The following ETV6 variants were observed in gnomAD, a reference collection of about 807,000 sequenced individuals.
The protein encoded by ETV6 is ETS variant transcription factor 6.
A neutral mutation model predicts 51.1 loss-of-function variants in ETV6; 16 were observed. That is an observed-to-expected ratio of 0.31 (90% CI 0.21 to 0.48). The LOEUF is 0.48. ETV6 is among the 20% of genes least tolerant of loss of function. The probability of loss-of-function intolerance (pLI) is 0.99; values close to 1 mark genes in which losing one functional copy is unlikely to be tolerated. For synonymous variants in ETV6, 240 were observed against 224.1 expected (o/e 1.07, Z -0.64); for missense variants, 458 against 594.8 (o/e 0.77, Z 2.39).
In ETV6 at chr12:11,767,972, T is replaced by C. The variant is rs551193179; in HGVS notation, c.163+15393T>C. Among the ~76,000 whole-genome samples, 5 of 152,298 alleles carry C rather than the reference T, an allele frequency of 3.3e-5. No homozygotes were observed. In the East Asian group the frequency reaches 7.7e-4, roughly 24 times the overall value. ...TGAGTTTGCTCAAGAGAAGGTTCTC[T>C]TGGGGCTTTGGTTTACTTCCTCCCA... On this transcript the variant is annotated intron_variant, in intron 2 of 7. Transcript: ENST00000396373.
intron 1 of ETV6, among the ~76,000 whole-genome samples, chr12:11,671,798 C>T (rs565024069): frequency 1.5e-4 from 23 of 151,926 alleles, no homozygotes; most frequent in Non-Finnish European, 2.5e-4. Flanking sequence ...GACTTTTGAC[C>T]CAGCAGTTAG....
chr12:11,775,941 T>A (rs1366642630), intron 2 of ETV6, among the ~76,000 whole-genome samples: 1 of 152,224 alleles, frequency 6.6e-6, no homozygotes, highest in Non-Finnish European at 1.5e-5. Context: ...GTATTTTCAG[T>A]CTCACCAGCA....
intron 2 of ETV6, among the ~76,000 whole-genome samples, chr12:11,814,350 T>TA (rs879490394): frequency 5.3e-5 from 8 of 151,958 alleles, no homozygotes; most frequent in Non-Finnish European, 7.4e-5. Flanking sequence ...CAAAACCTTG[T>TA]AAAAAAAAAT....
intron 2 of ETV6, among the ~76,000 whole-genome samples, chr12:11,813,914 A>G (rs1945951758): frequency 6.6e-6 from 1 of 152,212 alleles, no homozygotes; most frequent in Non-Finnish European, 1.5e-5. Context: ...ATGAAGAACT[A>G]CTGATTTTTT....
intron 2 of ETV6, among the ~76,000 whole-genome samples, chr12:11,836,216 C>T (rs1013875435): frequency 8.5e-5 from 13 of 152,148 alleles, no homozygotes; most frequent in African/African-American, 2.4e-4. Context: ...CCTTTTTATT[C>T]TATTGAATTA....
At chr12:11,801,774 C>A (rs577010899) in intron 2 of ETV6, among the ~76,000 whole-genome samples, 1 of 151,940 alleles carries the variant, frequency 6.6e-6, no homozygotes, top group Non-Finnish European at 1.5e-5. Context: ...AGAACCTGCA[C>A]CCGCATGCAT....
At chr12:11,831,151 T>C (rs1319584835) in intron 2 of ETV6, among the ~76,000 whole-genome samples, 1 of 152,148 alleles carries the variant, frequency 6.6e-6, no homozygotes. Context: ...TGAGGCGATA[T>C]TGGGGATATT....
chr12:11,750,391 T>C (rs540705317), intron 1 of ETV6, among the ~76,000 whole-genome samples: 39 of 152,096 alleles, frequency 2.6e-4, no homozygotes, highest in African/African-American at 9.2e-4. Flanking sequence ...CTTGGTGGAG[T>C]TGGGGCAGGC....
At chr12:11,700,904 C>G (rs1042225157) in intron 1 of ETV6, among the ~76,000 whole-genome samples, 1 of 152,174 alleles carries the variant, frequency 6.6e-6, no homozygotes, top group South Asian at 2.1e-4. Flanking sequence ...GTTCGAGGGT[C>G]CACTGTATTT....
intron 2 of ETV6, among the ~76,000 whole-genome samples, chr12:11,812,093 T>C (rs1169289654): frequency 6.6e-6 from 1 of 152,220 alleles, no homozygotes; most frequent in Non-Finnish European, 1.5e-5. Flanking sequence ...CACTGTAAAA[T>C]ATGCTACATG....
intron 5 of ETV6, among the ~76,000 whole-genome samples, chr12:11,880,530 G>A (rs185583928): frequency 6.2e-4 from 94 of 152,250 alleles, no homozygotes; most frequent in African/African-American, 6.0e-4. Context: ...TCTGGTTCAC[G>A]TTTCACTGTT....
intron 2 of ETV6, among the ~76,000 whole-genome samples, chr12:11,828,215 T>G (rs191338348): frequency 6.9e-4 from 105 of 152,286 alleles, no homozygotes; most frequent in African/African-American, 2.4e-3. Context: ...TATCTCTCCT[T>G]GCATAGCCAA....
chr12:11,777,408 A>G (rs1945345842), intron 2 of ETV6, among the ~76,000 whole-genome samples: 1 of 152,056 alleles, frequency 6.6e-6, no homozygotes, highest in Non-Finnish European at 1.5e-5. Flanking sequence ...CTCTAGGTAG[A>G]AGGATTGTGG....
chr12:11,764,535 C>T (rs1945135944), intron 2 of ETV6, among the ~76,000 whole-genome samples: 1 of 152,210 alleles, frequency 6.6e-6, no homozygotes, highest in South Asian at 2.1e-4. Context: ...AATCTGAATC[C>T]TTAAGCCTTT....
chr12:11,780,690 A>G (rs919589045), intron 2 of ETV6, among the ~76,000 whole-genome samples: 1 of 152,134 alleles, frequency 6.6e-6, no homozygotes, highest in African/African-American at 2.4e-5. Flanking sequence ...CTCCCTTAAG[A>G]CTCAAACACT....
chr12:11,844,376 C>T (rs965799448), intron 3 of ETV6, among the ~76,000 whole-genome samples: 14 of 152,150 alleles, frequency 9.2e-5, no homozygotes, highest in Admixed American at 7.9e-4. Flanking sequence ...AGACTAAAAT[C>T]TGCAGTCTTT....
At chr12:11,866,121 G>A (rs79910356) in intron 4 of ETV6, among the ~76,000 whole-genome samples, 2,046 of 151,358 alleles carry the variant, frequency 0.014, 51 homozygotes, top group African/African-American at 0.047. Context: ...TCTCATCTCC[G>A]TTCTGCTATT....
In ETV6 at chr12:11,835,312, A is replaced by G. The variant is rs560083400; in HGVS notation, c.164-3828A>G. Among the ~76,000 whole-genome samples the G allele has an allele frequency of 1.2e-4, 19 of 152,398 alleles. No homozygotes were observed. In the East Asian group the frequency reaches 1.9e-3, roughly 15 times the overall value. On this transcript the variant is annotated intron_variant, in intron 2 of 7. Transcript: ENST00000396373. ...CCCTCAAGAGGCACGCTATGCGCAC[A>G]GGGAATAGTATAATATAGGTGCAGA...
Position 11,858,989 on chromosome 12 carries a change from T to A in ETV6, c.463+5428T>A, listed in dbSNP as rs560886484. On this transcript the variant is annotated intron_variant, in intron 4 of 7. Coordinates refer to ENST00000396373, the MANE Select transcript of ETV6 (RefSeq NM_001987.5). ...CCCACAGAAGTTTTATTTATATGAT[T>A]GCTTTATTGAGGGGAATCGTACCCC... 9.2e-5 allele frequency among the ~76,000 whole-genome samples: 14 copies of A among 152,190 alleles called. No individual in the cohort carries two copies. The South Asian group carries it at 2.9e-3, about 32-fold the overall frequency.
Sources: gnomAD v4.1 joint callset for allele counts (sites outside exome capture counted in the v4.1 genomes callset) on GRCh38, gnomAD v4.1.1 for gene constraint, MANE v1.5 for transcripts, NCBI Gene and HGNC (gene_info 2026-07-23, HGNC 2026-07-21) for gene names.